PRELID2: variants seen among roughly 807,000 people sequenced by gnomAD.
The protein encoded by PRELID2 is PRELI domain-containing protein 2.
A neutral mutation model predicts 28.4 loss-of-function variants in PRELID2; 25 were observed. The observed-to-expected ratio is 0.88, with a 90% CI of 0.64 to 1.23. The LOEUF (loss-of-function observed/expected upper bound fraction) is 1.23. Among genes scored for constraint, PRELID2 ranks in the 50% most tolerant of loss-of-function variants. The pLI is 0.00. For missense variants in PRELID2, 201 were observed against 214.4 expected, an observed-to-expected ratio of 0.94 and a Z score of 0.39; for synonymous variants, 76 against 71.6, an observed-to-expected ratio of 1.06 and a Z score of -0.31.
At chr5:145,441,891 G>C in the PRELID2 span, among the ~76,000 whole-genome samples, 12 of 152,076 alleles carry the variant, frequency 7.9e-5, no homozygotes, top group African/African-American at 2.9e-4. Flanking sequence ...CTGCATGGTT[G>C]GTTCTTCATT....
chr5:145,582,155 G>T (rs112314808), intron 1 of PRELID2, among the ~76,000 whole-genome samples: 51 of 152,080 alleles, frequency 3.4e-4, no homozygotes, highest in African/African-American at 1.2e-3. Flanking sequence ...CTACTGTCAA[G>T]GAAGGACTTA....
the PRELID2 span, among the ~76,000 whole-genome samples, chr5:145,352,556 C>T: frequency 3.9e-5 from 6 of 152,186 alleles, no homozygotes; most frequent in Non-Finnish European, 8.8e-5. Flanking sequence ...ATGGAAGGGG[C>T]TGCTGTGGAG....
At chr5:145,623,455 A>T (rs1207395914) in intron 1 of PRELID2, among the ~76,000 whole-genome samples, 1 of 127,772 alleles carries the variant, frequency 7.8e-6, no homozygotes, top group African/African-American at 2.9e-5. Context: ...CTCAAAAAAA[A>T]ATAAATAAAT....
At chr5:145,567,381 G>GTTTGGTTTGGTTTGA (rs1481411524) in intron 1 of PRELID2, among the ~76,000 whole-genome samples, 10 of 151,958 alleles carry the variant, frequency 6.6e-5, no homozygotes, top group African/African-American at 2.4e-4. Flanking sequence ...GTTTGGTTTG[G>GTTTGGTTTGGTTTGA]TTTGGTTTGG....
chr5:145,601,610 G>A (rs1302372062), intron 1 of PRELID2, among the ~76,000 whole-genome samples: 3 of 152,186 alleles, frequency 2.0e-5, no homozygotes, highest in Non-Finnish European at 4.4e-5. Flanking sequence ...TAATAAGAGA[G>A]TGAGAAATTA....
chr5:145,825,797 C>T (rs140908246), intron 1 of PRELID2, among the ~76,000 whole-genome samples: 190 of 152,314 alleles, frequency 1.2e-3, no homozygotes, highest in African/African-American at 3.4e-3. Flanking sequence ...AACTACCATA[C>T]TATGAAAGGC....
chr5:145,810,960 G>A (rs1387006020), intron 4 of PRELID2, among the ~76,000 whole-genome samples: 2 of 151,766 alleles, frequency 1.3e-5, no homozygotes, highest in Non-Finnish European at 2.9e-5. Flanking sequence ...TGCTGATAAA[G>A]ACATACCTGA....
intron 1 of PRELID2, among the ~76,000 whole-genome samples, chr5:145,482,612 T>C (rs1561491582): frequency 6.6e-6 from 1 of 152,108 alleles, no homozygotes; most frequent in Non-Finnish European, 1.5e-5. Flanking sequence ...AACTGGGTTG[T>C]TGGGAAGGGG....
the PRELID2 span, among the ~76,000 whole-genome samples, chr5:145,259,052 A>G: frequency 9.2e-5 from 14 of 152,298 alleles, no homozygotes; most frequent in South Asian, 2.7e-3. Context: ...AAAGTGCAAG[A>G]CATAAGCCTT....
intron 1 of PRELID2, among the ~76,000 whole-genome samples, chr5:145,527,178 C>G (rs1404652951): frequency 6.6e-6 from 1 of 152,172 alleles, no homozygotes; most frequent in African/African-American, 2.4e-5. Flanking sequence ...TCTGATGAAA[C>G]TGTTCTATTA....
At chr5:145,630,746 T>C (rs1216310590) in intron 1 of PRELID2, among the ~76,000 whole-genome samples, 1 of 152,170 alleles carries the variant, frequency 6.6e-6, no homozygotes, top group Non-Finnish European at 1.5e-5. Context: ...GGCTGCCTGA[T>C]TTAGAAAGTA....
chr5:145,233,711 A>G, the PRELID2 span, among the ~76,000 whole-genome samples: 1 of 152,140 alleles, frequency 6.6e-6, no homozygotes, highest in Non-Finnish European at 1.5e-5. Context: ...TGTGGCAGTA[A>G]ACATCGTTTC....
chr5:145,561,266 T>G (rs1480974022), intron 1 of PRELID2, among the ~76,000 whole-genome samples: 1 of 152,202 alleles, frequency 6.6e-6, no homozygotes, highest in Non-Finnish European at 1.5e-5. Context: ...ATAAAATAAC[T>G]AAGGCGAAAG....
At chr5:145,272,996 G>A in the PRELID2 span, among the ~76,000 whole-genome samples, 1 of 152,108 alleles carries the variant, frequency 6.6e-6, no homozygotes, top group Non-Finnish European at 1.5e-5. Flanking sequence ...AGTAGCAGCA[G>A]GTGGGGCCAG....
At chr5:145,636,091 T>C (rs1581017072) in intron 1 of PRELID2, among the ~76,000 whole-genome samples, 1 of 152,354 alleles carries the variant, frequency 6.6e-6, no homozygotes, top group South Asian at 2.1e-4. Context: ...TGCTGAATTA[T>C]TTTCCAGTTG....
the PRELID2 span, among the ~76,000 whole-genome samples, chr5:145,360,905 C>T: frequency 1.3e-5 from 2 of 152,152 alleles, no homozygotes; most frequent in South Asian, 4.1e-4. Context: ...ATATATAATA[C>T]TTATGTCAGC....
rs772345764 is a variant in PRELID2, at chr5:145,764,890, T to C, written c.*10+41A>G. ...TACCAGGCTGATAAGCATGAAAATA[T>C]GGCTTGTGTAAATAATTCTGACTTT... On this transcript the variant is annotated intron_variant, in intron 6 of 6. Coordinates refer to ENST00000683046, the MANE Select transcript of PRELID2 (RefSeq NM_205846.3). 7.7e-6 allele frequency: 11 copies of C among 1,431,774 alleles called. No individual in the cohort carries two copies. The South Asian group carries it at 8.1e-5, about 11-fold the overall frequency. The allele number at this position is 1,431,774 out of a possible 1,614,324, so 88.7% of individuals were successfully genotyped here.
the PRELID2 span, chr5:145,436,993 A>G: frequency 6.6e-6 from 1 of 152,178 alleles, no homozygotes; most frequent in Non-Finnish European, 1.5e-5. Flanking sequence ...CTCTTTTACT[A>G]TTAGCTTCTT....
At chr5:145,363,810 T>A in the PRELID2 span, among the ~76,000 whole-genome samples, 1 of 152,036 alleles carries the variant, frequency 6.6e-6, no homozygotes, top group Non-Finnish European at 1.5e-5. Context: ...AGGAGTTATG[T>A]TTACAGCGTT....
Sources: gnomAD v4.1 joint callset for allele counts (sites outside exome capture counted in the v4.1 genomes callset) on GRCh38, gnomAD v4.1.1 for gene constraint, MANE v1.5 for transcripts, NCBI Gene and HGNC (gene_info 2026-07-23, HGNC 2026-07-21) for gene names.